The following ZNF608 variants were observed in gnomAD, a reference collection of about 807,000 sequenced individuals.
ZNF608 encodes the protein zinc finger protein 608, also known as renal carcinoma antigen NY-REN-36.
ZNF608 carries 12 observed loss-of-function variants against 109.0 expected under a neutral mutation model. The observed-to-expected ratio is 0.11, with a 90% CI of 0.07 to 0.18. The LOEUF (loss-of-function observed/expected upper bound fraction) is 0.18. ZNF608 is among the 10% of genes least tolerant of loss of function. ZNF608 has a pLI of 1.00. For synonymous variants in ZNF608, 732 were observed against 717.4 expected (o/e 1.02, Z -0.33); for missense variants, 1,707 against 1,879.3 (o/e 0.91, Z 1.70).
chr5:124,696,816 T>TC (rs1480703323), intron 3 of ZNF608, among the ~76,000 whole-genome samples: 2 of 152,176 alleles, frequency 1.3e-5, no homozygotes, highest in East Asian at 3.8e-4. Flanking sequence ...ACATGTGTCT[T>TC]CCTTACAGAG....
intron 2 of ZNF608, among the ~76,000 whole-genome samples, chr5:124,714,845 A>G (rs934357403): frequency 2.0e-5 from 3 of 152,248 alleles, no homozygotes; most frequent in African/African-American, 7.2e-5. Context: ...CAGTTTTCAA[A>G]TTAAATGAAA....
At chr5:124,748,190 G>T (rs886108040), upstream of ZNF608, among the ~76,000 whole-genome samples, 3 of 152,134 alleles carry the variant, frequency 2.0e-5, no homozygotes, top group East Asian at 3.9e-4. Context: ...TGGGAGGGGG[G>T]TCTGCCCAGC....
At chr5:124,694,120 C>T (rs1482204067) in intron 3 of ZNF608, among the ~76,000 whole-genome samples, 13 of 144,426 alleles carry the variant, frequency 9.0e-5, no homozygotes, top group African/African-American at 1.5e-4. Flanking sequence ...GGACTACAGG[C>T]GCCCGCCACC....
At chr5:124,730,770 T>C (rs1320826384) in intron 2 of ZNF608, among the ~76,000 whole-genome samples, 2 of 150,000 alleles carry the variant, frequency 1.3e-5, no homozygotes, top group Non-Finnish European at 2.9e-5. Context: ...ACAAGAACTC[T>C]TGTTAATATT....
rs187306131 is a variant in ZNF608 at position 124,712,005 on chromosome 5, C to T, written c.907-10736G>A. Among the ~76,000 whole-genome samples the T allele has an allele frequency of 6.2e-4, 94 of 152,100 alleles. 1 individual carries two copies. Among genetic ancestry groups the T allele is most frequent in the African/African-American group, 2.0e-3 (84 of 41,510 alleles). On this transcript the variant is annotated intron_variant, in intron 2 of 9. Transcript: ENST00000513986. Reference sequence around the variant, plus strand: ...AGACAAGAAACCATTACCAATTAGCCGGGTGTAGGTGTGTGCCTATAATCC... The same window carrying T: ...AGACAAGAAACCATTACCAATTAGCTGGGTGTAGGTGTGTGCCTATAATCC...
rs773865768 is a variant in ZNF608 at position 124,648,539 on chromosome 5, A to G, written c.1845T>C (p.Ser615=). 1.9e-6 allele frequency: 3 copies of G among 1,614,098 alleles called. No homozygotes were observed. The highest frequency in any genetic ancestry group is 2.5e-6 in the Non-Finnish European group (3 of 1,180,018). Residue 615 remains serine (S), a synonymous_variant, in exon 5 of 10, where the codon AGT becomes AGC. Transcript: ENST00000513986. ...CCTTCAACTGGTCATAAGCAGATACACTTGTGCTTGGCTCACTGCATTCAA... is the reference window on the plus strand; with the variant it reads ...CCTTCAACTGGTCATAAGCAGATACGCTTGTGCTTGGCTCACTGCATTCAA... ...VALECSEPST[S]VSAYDQLKAP...
chr5:124,660,908 T>A (rs1751231529), intron 3 of ZNF608, among the ~76,000 whole-genome samples: 1 of 152,094 alleles, frequency 6.6e-6, no homozygotes, highest in South Asian at 2.1e-4. Context: ...CCTCCCGCAT[T>A]CCTCCCAGGT....
intron 8 of ZNF608, among the ~76,000 whole-genome samples, chr5:124,640,913 C>T (rs576520476): frequency 6.6e-6 from 1 of 152,178 alleles, no homozygotes; most frequent in Non-Finnish European, 1.5e-5. Flanking sequence ...CCCACCATCC[C>T]TCCCTTTTTC....
At chr5:124,655,537 T>C (rs1443941602) in intron 3 of ZNF608, among the ~76,000 whole-genome samples, 2 of 152,226 alleles carry the variant, frequency 1.3e-5, no homozygotes, top group African/African-American at 4.8e-5. Context: ...TCATGCCATA[T>C]GCCTTTAAAA....
At chr5:124,736,117 T>C (rs1443991342) in intron 2 of ZNF608, among the ~76,000 whole-genome samples, 2 of 152,172 alleles carry the variant, frequency 1.3e-5, no homozygotes, top group African/African-American at 4.8e-5. Flanking sequence ...TTGTTGTGCC[T>C]ATTTTCCCCT....
chr5:124,742,586 C>A (rs4339346), intron 2 of ZNF608, among the ~76,000 whole-genome samples: 125,076 of 152,188 alleles, frequency 0.82, 51,429 homozygotes, highest in East Asian at 0.89. Flanking sequence ...AAATATAAGA[C>A]TCAAAACCCG....
At chr5:124,739,159 C>G (rs1054093687) in intron 2 of ZNF608, among the ~76,000 whole-genome samples, 1 of 152,146 alleles carries the variant, frequency 6.6e-6, no homozygotes, top group Admixed American at 6.5e-5. Flanking sequence ...TGTCAGGCCA[C>G]TCAGAGATAA....
chr5:124,674,845 A>T (rs1307905745), intron 3 of ZNF608, among the ~76,000 whole-genome samples: 1 of 152,108 alleles, frequency 6.6e-6, no homozygotes, highest in Non-Finnish European at 1.5e-5. Flanking sequence ...GAACTCCTGG[A>T]CTTAAGTGAT....
At chr5:124,745,239 T>TA (rs1749597350) in intron 1 of ZNF608, 67 bp from the exon 2 acceptor site, 1 of 1,319,752 alleles carries the variant, frequency 7.6e-7, no homozygotes, top group Non-Finnish European at 9.7e-7. Flanking sequence ...AAACGATTAG[T>TA]ATTGGGGAAT....
Position 124,637,667 on chromosome 5 carries a change from TTATA to T in ZNF608, c.*229_*232del. The T allele has an allele frequency of 5.7e-6, 1 of 175,490 alleles. No individual in the cohort carries two copies. The highest frequency in any genetic ancestry group is 1.1e-5 in the Non-Finnish European group (1 of 88,410). The allele number at this position is 175,490 out of a possible 1,614,324, so 10.9% of individuals were successfully genotyped here. ...CAAAAAGTAAAGAATATATTTATAT[TTATA>T]TATATATATATGTATATATACAGAT... On this transcript the variant is annotated 3_prime_UTR_variant, in exon 10 of 10. Coordinates refer to ENST00000513986, the MANE Select transcript of ZNF608 (RefSeq NM_020747.3).
intron 3 of ZNF608, among the ~76,000 whole-genome samples, chr5:124,690,569 C>A (rs79416132): frequency 6.6e-6 from 1 of 152,042 alleles, no homozygotes; most frequent in Non-Finnish European, 1.5e-5. Flanking sequence ...GTATCCAGGT[C>A]GGACACAGTG....
chr5:124,736,251 T>C lies in ZNF608; in HGVS notation c.906+7833A>G, dbSNP rs1418940420. 2.0e-5 allele frequency among the ~76,000 whole-genome samples: 3 copies of C among 152,158 alleles called. No individual in the cohort carries two copies. In the South Asian group the frequency reaches 6.2e-4, roughly 31 times the overall value. ...CATAAGCCTATAATAAAGCACAGAT[T>C]TGATAGCATTATCCATGTACTGTGG... On this transcript the variant is annotated intron_variant, in intron 2 of 9. Transcript: ENST00000513986.
chr5:124,701,176 A>G lies in ZNF608; in HGVS notation c.1000T>C (p.Ser334Pro). Reference protein sequence around the residue: ...ILPSYFSPSSSNIAAPVEQLL... With the variant: ...ILPSYFSPSSPNIAAPVEQLL... ...TGTTCAACCGGTGCTGCAATATTGG[A>G]TGAAGATGGGGAAAAGTAGGAGGGT... The change falls in exon 3 of 10, where the codon TCC becomes CCC. Residue 334 changes from serine (S) to proline (P), a missense_variant. Ser to Pro is a moderately conservative substitution (Grantham distance 74). Coordinates refer to ENST00000513986, the MANE Select transcript of ZNF608 (RefSeq NM_020747.3). 1.2e-6 allele frequency: 2 copies of G among 1,614,136 alleles called. No homozygotes were observed. The highest frequency in any genetic ancestry group is 1.7e-6 in the Non-Finnish European group (2 of 1,180,014).
At chr5:124,684,207 AGCACCTTAAGATCTTTACCACTCCTTT>A (rs1005785946) in intron 3 of ZNF608, among the ~76,000 whole-genome samples, 3 of 152,224 alleles carry the variant, frequency 2.0e-5, no homozygotes, top group African/African-American at 4.8e-5. Context: ...TGGCATGAAG[AGCACCTTAAGATCTTTACCACTCCTTT>A]GCTACCTGAT....
Sources: allele counts gnomAD v4.1 joint callset (sites outside exome capture counted in the v4.1 genomes callset), GRCh38; gene constraint gnomAD v4.1.1; transcripts MANE v1.5; gene names NCBI Gene and HGNC (gene_info 2026-07-23, HGNC 2026-07-21).